EPB41: variants seen among roughly 807,000 people sequenced by gnomAD.
EPB41 encodes protein 4.1.
In EPB41, 65 loss-of-function variants were observed where a neutral mutation model predicts 108.0. That is an observed-to-expected ratio of 0.60 (90% CI 0.49 to 0.74). The LOEUF (loss-of-function observed/expected upper bound fraction) is 0.74, where lower values mean the gene tolerates loss of function less well. Ranked by LOEUF, EPB41 falls within the 30% of genes least tolerant of loss-of-function variation. The pLI is 0.00. For missense variants in EPB41, 875 were observed against 1,037.0 expected, an observed-to-expected ratio of 0.84 and a Z score of 2.15; for synonymous variants, 336 against 358.9, an observed-to-expected ratio of 0.94 and a Z score of 0.72.
intron 1 of EPB41, among the ~76,000 whole-genome samples, chr1:28,958,037 A>G (rs1453777004): frequency 6.6e-6 from 1 of 152,030 alleles, no homozygotes; most frequent in Non-Finnish European, 1.5e-5. Context: ...CAGGTCTCGA[A>G]CTCCTGGCCT....
chr1:29,058,679 C>T (rs763578149), intron 13 of EPB41, 34 bp downstream of exon 13: 1 of 1,602,068 alleles, frequency 6.2e-7, no homozygotes, highest in Non-Finnish European at 8.5e-7. Context: ...TCCTCTTTCC[C>T]TCCACCCCCT....
At chr1:29,086,275 C>CTTTT (rs1213378802) in intron 16 of EPB41, among the ~76,000 whole-genome samples, 2 of 137,244 alleles carry the variant, frequency 1.5e-5, no homozygotes, top group Non-Finnish European at 3.2e-5. Context: ...TTTGTCTTTC[C>CTTTT]TTTTTTTTTT....
intron 18 of EPB41, chr1:29,109,841 C>CCTG: frequency 3.4e-6 from 1 of 291,996 alleles, no homozygotes; most frequent in South Asian, 3.6e-5. Flanking sequence ...CGAGACTAGC[C>CCTG]TGACCAACAT....
At chr1:28,984,260 A>G (rs1257115828) in intron 1 of EPB41, among the ~76,000 whole-genome samples, 1 of 152,166 alleles carries the variant, frequency 6.6e-6, no homozygotes, top group Non-Finnish European at 1.5e-5. Context: ...ACAGGGATAT[A>G]AAGTCTCACT....
At chr1:28,992,645 C>T (rs888861931) in intron 2 of EPB41, among the ~76,000 whole-genome samples, 4 of 152,080 alleles carry the variant, frequency 2.6e-5, no homozygotes, top group African/African-American at 9.7e-5. Flanking sequence ...GCCGAGATCG[C>T]GCCACTGCAC....
At chr1:29,109,108 G>T (rs888136339) in intron 17 of EPB41, among the ~76,000 whole-genome samples, 1 of 151,680 alleles carries the variant, frequency 6.6e-6, no homozygotes, top group Non-Finnish European at 1.5e-5. Context: ...TGAGGCAGGA[G>T]AATTGCTTGA....
chr1:29,061,568 C>CTTTTTTTTT (rs1216571057), intron 15 of EPB41, among the ~76,000 whole-genome samples: 2 of 89,906 alleles, frequency 2.2e-5, no homozygotes, highest in Admixed American at 1.4e-4. Context: ...TGCGCCTGGC[C>CTTTTTTTTT]TTTGTTTTTT....
Position 28,887,633 on chromosome 1 carries a change from G to A in EPB41, c.-8+423G>A. ...CCGGGCCCGCAGCAGCGCTGGAGCG[G>A]GCTGGCGGCTAGCAGCGGGAGGGGG... is the stretch of plus-strand genomic sequence containing the variant. On this transcript the variant is annotated intron_variant, in intron 1 of 16. Transcript: ENST00000347529. The surrounding 1 kb of genome is among the most constrained non-coding windows in gnomAD (Gnocchi z 4.9). 1 of 985,284 alleles carries A rather than the reference G, an allele frequency of 1.0e-6. No individual in the cohort carries two copies. Among genetic ancestry groups the A allele is most frequent in the South Asian group, 4.7e-5 (1 of 21,290 alleles). 61.0% of individuals were successfully genotyped at this position (985,284 alleles called of 1,614,324 possible).
At chr1:29,028,110 C>T (rs1043217475) in intron 7 of EPB41, among the ~76,000 whole-genome samples, 10 of 152,216 alleles carry the variant, frequency 6.6e-5, no homozygotes, top group African/African-American at 2.4e-4. Flanking sequence ...AGACGTGAGC[C>T]ACCGCGCCAG....
intron 12 of EPB41, among the ~76,000 whole-genome samples, chr1:29,055,106 T>G (rs961038218): frequency 1.3e-5 from 2 of 152,194 alleles, no homozygotes; most frequent in Admixed American, 1.3e-4. Context: ...GGGACTACCT[T>G]GAGTCCAGAG....
At chr1:28,983,862 T>G (rs2985339) in intron 1 of EPB41, among the ~76,000 whole-genome samples, 118,873 of 152,002 alleles carry the variant, frequency 0.78, 47,097 homozygotes, top group East Asian at 0.92. Flanking sequence ...GCCAGTGAGG[T>G]CAGAGGGCCA....
intron 1 of EPB41, among the ~76,000 whole-genome samples, chr1:28,904,168 CT>C (rs533536807): frequency 5.6e-3 from 735 of 132,156 alleles, no homozygotes; most frequent in Admixed American, 5.7e-3. Context: ...CCCGGCCCAG[CT>C]TTTTTTTTTT....
intron 7 of EPB41, among the ~76,000 whole-genome samples, chr1:29,029,510 C>T (rs574472503): frequency 6.6e-5 from 10 of 152,188 alleles, no homozygotes; most frequent in East Asian, 5.8e-4. Flanking sequence ...GGGAAACTGG[C>T]GTTTACTGTT....
chr1:28,954,089 C>T (rs901460939), intron 1 of EPB41, among the ~76,000 whole-genome samples: 18 of 152,316 alleles, frequency 1.2e-4, no homozygotes, highest in Admixed American at 1.0e-3. Context: ...TGTTCCATAA[C>T]AATTCTAATG....
intron 1 of EPB41, among the ~76,000 whole-genome samples, chr1:28,919,049 G>T (rs893422294): frequency 6.6e-6 from 1 of 152,180 alleles, no homozygotes; most frequent in African/African-American, 2.4e-5. Context: ...TAGCAGTGAG[G>T]AGTATTCAGA....
intron 16 of EPB41, among the ~76,000 whole-genome samples, chr1:29,078,038 C>T (rs1038440154): frequency 6.6e-6 from 1 of 151,922 alleles, no homozygotes; most frequent in Admixed American, 6.6e-5. Context: ...ACCAGTTTAG[C>T]CAACATGGTG....
intron 17 of EPB41, among the ~76,000 whole-genome samples, chr1:29,101,147 C>G (rs1665228940): frequency 6.6e-6 from 1 of 151,852 alleles, no homozygotes; most frequent in African/African-American, 2.4e-5. Context: ...TCGCTTGAAC[C>G]CGGGAGGTGG....
intron 19 of EPB41, among the ~76,000 whole-genome samples, chr1:29,114,595 A>G (rs1199067840): frequency 6.7e-6 from 1 of 149,642 alleles, no homozygotes; most frequent in Non-Finnish European, 1.5e-5. Context: ...GTGAGCCAAG[A>G]TCACACCACT....
intron 11 of EPB41, among the ~76,000 whole-genome samples, chr1:29,046,239 C>G (rs1191950727): frequency 6.6e-6 from 1 of 152,022 alleles, no homozygotes; most frequent in South Asian, 2.1e-4. Context: ...ACTCTCCTGC[C>G]TCAGCCTCCT....
Sources: allele counts gnomAD v4.1 joint callset (sites outside exome capture counted in the v4.1 genomes callset), GRCh38; gene constraint gnomAD v4.1.1; non-coding constraint Gnocchi (gnomAD v3.1); transcripts MANE v1.5; gene names NCBI Gene and HGNC (gene_info 2026-07-23, HGNC 2026-07-21).